Variants in NEIL3 observed in about 807,000 individuals in gnomAD.
NEIL3 encodes nei like DNA glycosylase 3, also known as endonuclease 8-like 3.
Under a neutral mutation model 57.5 loss-of-function variants are expected in NEIL3, and 48 were observed. The observed-to-expected ratio is 0.83, with a 90% confidence interval of 0.66 to 1.06. NEIL3 has a LOEUF of 1.06. Among genes scored for constraint, NEIL3 ranks in the 50% least tolerant of loss-of-function variants. The pLI, the probability that NEIL3 is intolerant of heterozygous loss-of-function variation, is 0.00. For missense variants in NEIL3, 717 were observed against 739.1 expected (o/e 0.97, Z 0.35); for synonymous variants, 261 against 253.2 (o/e 1.03, Z -0.29).
Position 177,341,410 on chromosome 4 carries a change from T to G in NEIL3, c.703-66T>G, listed in dbSNP as rs983236424. The G allele has an allele frequency of 6.8e-6, 9 of 1,332,256 alleles. No homozygotes were observed. In the African/African-American group the frequency reaches 1.2e-4, roughly 18 times the overall value. 82.5% of individuals were successfully genotyped at this position (1,332,256 alleles called of 1,614,324 possible). A position where few individuals can be genotyped will look rare whatever the true frequency, so the allele number is the denominator to read the frequency against. ...TTTTCAGAGGTGACTTTCGAGAATG[T>G]GTCTTTGGCTCCTTGGCAGCACTGT... On this transcript the variant is annotated intron_variant, in intron 5 of 9. Transcript: ENST00000264596.
At position 177,362,383 on chromosome 4, in the gene NEIL3, T is replaced by C. The variant is rs370032582; in HGVS notation, c.1730T>C (p.Phe577Ser). Residue 577 changes from phenylalanine to serine, a missense_variant, in exon 10 of 10, where the codon TTT (phenylalanine) becomes TCT (serine). By Grantham distance (155) the Phe-to-Ser change is radical (BLOSUM62 -2). Coordinates refer to ENST00000264596, the MANE Select transcript of NEIL3 (RefSeq NM_018248.3). ...KIGPNNGKNFFVCPLGKEKQC... is the reference protein window; with the variant it reads ...KIGPNNGKNFSVCPLGKEKQC... Reference sequence around the variant, plus strand: ...GGACCTAACAATGGAAAGAATTTTTTTGTGTGTCCTCTTGGGAAGGAAAAA... The same window carrying C: ...GGACCTAACAATGGAAAGAATTTTTCTGTGTGTCCTCTTGGGAAGGAAAAA... 3.7e-6 allele frequency: 6 copies of C among 1,613,902 alleles called. No individual in the cohort carries two copies. The African/African-American group carries it at 4.0e-5, about 11-fold the overall frequency.
downstream of NEIL3, among the ~76,000 whole-genome samples, chr4:177,363,159 T>A: frequency 6.6e-6 from 1 of 152,216 alleles, no homozygotes; most frequent in East Asian, 1.9e-4. Flanking sequence ...TGCTTGTATT[T>A]AAATTTTAGC....
chr4:177,311,201 C>T (rs1187241722), intron 1 of NEIL3, among the ~76,000 whole-genome samples: 1 of 151,856 alleles, frequency 6.6e-6, no homozygotes, highest in African/African-American at 2.4e-5. Context: ...CTCAAGACAC[C>T]TGGGGAGCAA....
intron 2 of NEIL3, among the ~76,000 whole-genome samples, chr4:177,329,544 T>A (rs576849895): frequency 6.6e-6 from 1 of 152,080 alleles, no homozygotes; most frequent in African/African-American, 2.4e-5. Context: ...CAAGAAAATG[T>A]AGTAATCCTA....
intron 5 of NEIL3, among the ~76,000 whole-genome samples, chr4:177,340,720 T>C (rs1423621863): frequency 6.6e-6 from 1 of 152,180 alleles, no homozygotes; most frequent in East Asian, 1.9e-4. Context: ...TAATATAAAT[T>C]GTGTAATTTT....
At chr4:177,338,616 C>T (rs568657360) in intron 4 of NEIL3, among the ~76,000 whole-genome samples, 6 of 152,226 alleles carry the variant, frequency 3.9e-5, no homozygotes, top group South Asian at 2.1e-4. Flanking sequence ...TTACCATTGA[C>T]GGCACATGTG....
At chr4:177,320,397 T>C (rs562741902) in intron 1 of NEIL3, among the ~76,000 whole-genome samples, 56 of 149,984 alleles carry the variant, frequency 3.7e-4, no homozygotes, top group Non-Finnish European at 7.1e-4. Context: ...GAGGACATGG[T>C]GGCATATACC....
intron 1 of NEIL3, among the ~76,000 whole-genome samples, chr4:177,317,858 A>G (rs1334277589): frequency 2.0e-5 from 3 of 151,946 alleles, no homozygotes; most frequent in African/African-American, 7.3e-5. Context: ...CGGCCTCCCA[A>G]AGTGCTGGAA....
At chr4:177,339,425 C>G (rs1735042241) in intron 4 of NEIL3, among the ~76,000 whole-genome samples, 1 of 152,092 alleles carries the variant, frequency 6.6e-6, no homozygotes, top group Admixed American at 6.5e-5. Flanking sequence ...CTGCTGCACT[C>G]CAGCCTGGGC....
In NEIL3 at chr4:177,361,360, A is replaced by G. The variant is rs1197550253; in HGVS notation, c.1635+683A>G. 2.6e-5 allele frequency among the ~76,000 whole-genome samples: 4 copies of G among 152,218 alleles called. No individual in the cohort carries two copies. The East Asian group carries it at 7.7e-4, about 29-fold the overall frequency. ...TACATATTTTTTCTAGTTACTCTTC[A>G]TCTGGAATAGAACTGAAAAAAGAAA... is the stretch of plus-strand genomic sequence containing the variant. On this transcript the variant is annotated intron_variant, in intron 9 of 9. Coordinates refer to ENST00000264596, the MANE Select transcript of NEIL3 (RefSeq NM_018248.3).
intron 6 of NEIL3, among the ~76,000 whole-genome samples, chr4:177,342,832 T>G (rs1735124811): frequency 6.6e-6 from 1 of 152,204 alleles, no homozygotes; most frequent in Non-Finnish European, 1.5e-5. Flanking sequence ...CAACAGAGGC[T>G]CCACGTTGTG....
chr4:177,322,357 C>T, intron 1 of NEIL3, 102 bp from the exon 2 acceptor site: 1 of 1,448,574 alleles, frequency 6.9e-7, no homozygotes, highest in Non-Finnish European at 9.5e-7. Context: ...TTGGAATGCA[C>T]CTGGGCGTGA....
chr4:177,324,956 GATAGA>G (rs1560910049), intron 2 of NEIL3, among the ~76,000 whole-genome samples: 91 of 126,574 alleles, frequency 7.2e-4, no homozygotes, highest in African/African-American at 2.4e-3. Flanking sequence ...AAAACAGATA[GATAGA>G]TAGATAGATA....
chr4:177,331,661 C>A (rs535555960), intron 2 of NEIL3, among the ~76,000 whole-genome samples: 1 of 151,870 alleles, frequency 6.6e-6, no homozygotes, highest in Non-Finnish European at 1.5e-5. Context: ...TTTTTTGAAT[C>A]CTAGACATTG....
rs374915803 is a variant in NEIL3 at position 177,339,737 on chromosome 4, A to G, written c.628-46A>G. 4.5e-5 allele frequency: 57 copies of G among 1,260,260 alleles called. No individual in the cohort carries two copies. The African/African-American group carries it at 7.5e-4, about 17-fold the overall frequency. 78.1% of individuals were successfully genotyped at this position (1,260,260 alleles called of 1,614,324 possible). A position where few individuals can be genotyped will look rare whatever the true frequency, so the allele number is the denominator to read the frequency against. ...GCAAGGCGTATTATTTCTTACAGTA[A>G]TGAGCAAGTCATGAAACTAGGCTCT... On this transcript the variant is annotated intron_variant, in intron 4 of 9. Coordinates refer to ENST00000264596, the MANE Select transcript of NEIL3 (RefSeq NM_018248.3).
chr4:177,334,879 G>T (rs998077247), intron 2 of NEIL3, among the ~76,000 whole-genome samples: 12 of 152,166 alleles, frequency 7.9e-5, no homozygotes, highest in Non-Finnish European at 1.8e-4. Flanking sequence ...AATCATTTTT[G>T]ATCTTCATCA....
At chr4:177,327,226 G>T (rs1734799441) in intron 2 of NEIL3, among the ~76,000 whole-genome samples, 1 of 152,066 alleles carries the variant, frequency 6.6e-6, no homozygotes. Flanking sequence ...AGTCAATTAA[G>T]CCTCTTTCCT....
chr4:177,347,110 G>A (rs976959046), intron 6 of NEIL3, among the ~76,000 whole-genome samples: 3 of 152,142 alleles, frequency 2.0e-5, no homozygotes, highest in Admixed American at 2.0e-4. Flanking sequence ...CCACAGTAGC[G>A]GATAGTGACG....
downstream of NEIL3, among the ~76,000 whole-genome samples, chr4:177,364,921 T>A: frequency 6.9e-6 from 1 of 144,826 alleles, no homozygotes; most frequent in Admixed American, 7.0e-5. Context: ...AGTGAGACTC[T>A]GTCTCAAAAA....
Sources: allele counts gnomAD v4.1 joint callset (sites outside exome capture counted in the v4.1 genomes callset), GRCh38; gene constraint gnomAD v4.1.1; transcripts MANE v1.5; gene names NCBI Gene and HGNC (gene_info 2026-07-23, HGNC 2026-07-21).